PPP2R2B: variants seen among roughly 807,000 people sequenced by gnomAD.
PPP2R2B encodes the protein protein phosphatase 2 regulatory subunit Bbeta.
Under a neutral mutation model 46.0 loss-of-function variants are expected in PPP2R2B, and 5 were observed. The ratio of observed to expected loss-of-function variants is 0.11; its 90% CI spans 0.06 to 0.23. PPP2R2B has a LOEUF of 0.23. Ranked by LOEUF, PPP2R2B falls within the 10% of genes least tolerant of loss-of-function variation. The pLI is 1.00. For synonymous variants in PPP2R2B, 215 were observed against 206.7 expected (o/e 1.04, Z -0.34); for missense variants, 367 against 575.0 (o/e 0.64, Z 3.70).
At chr5:146,804,116 G>A (rs970349645) in intron 2 of PPP2R2B, among the ~76,000 whole-genome samples, 2 of 151,766 alleles carry the variant, frequency 1.3e-5, no homozygotes, top group Non-Finnish European at 2.9e-5. Flanking sequence ...GCAGCGAGCA[G>A]AGATCATGCC....
At chr5:146,746,571 C>T (rs543694985) in intron 2 of PPP2R2B, among the ~76,000 whole-genome samples, 1 of 152,154 alleles carries the variant, frequency 6.6e-6, no homozygotes, top group Non-Finnish European at 1.5e-5. Flanking sequence ...AACAGGGCTT[C>T]CAGGACGACT....
intron 1 of PPP2R2B, among the ~76,000 whole-genome samples, chr5:146,992,482 A>G (rs576466987): frequency 2.6e-5 from 4 of 152,246 alleles, no homozygotes; most frequent in Non-Finnish European, 4.4e-5. Context: ...TGCTTCCCAC[A>G]TGGCCTTCAG....
chr5:146,658,996 T>C (rs981093485), intron 5 of PPP2R2B, among the ~76,000 whole-genome samples: 4 of 152,064 alleles, frequency 2.6e-5, no homozygotes, highest in African/African-American at 9.7e-5. Flanking sequence ...CATATATTCA[T>C]AAAAGAAAAA....
At position 146,784,724 on chromosome 5, in the gene PPP2R2B, G is replaced by A. The variant is rs147960424; in HGVS notation, c.71-83582C>T. Among the ~76,000 whole-genome samples the A allele has an allele frequency of 4.1e-3, 625 of 152,250 alleles. 8 individuals carry two copies. The highest frequency in any genetic ancestry group is 3.1e-3 in the African/African-American group (129 of 41,556). ...TCAGCTCTTCAGAAGGATGACTGCC[G>A]TGTTGATTTTAAAACATTGTCCATT... On this transcript the variant is annotated intron_variant, in intron 2 of 9. Transcript: ENST00000394411.
At chr5:146,641,777 G>A (rs1410284858) in intron 6 of PPP2R2B, among the ~76,000 whole-genome samples, 1 of 152,180 alleles carries the variant, frequency 6.6e-6, no homozygotes, top group East Asian at 1.9e-4. Flanking sequence ...TGGGAGGGAA[G>A]GAGAAAGAAG....
chr5:147,048,514 C>T (rs1414553518), intron 1 of PPP2R2B, among the ~76,000 whole-genome samples: 1 of 152,144 alleles, frequency 6.6e-6, no homozygotes, highest in African/African-American at 2.4e-5. Flanking sequence ...GTAAGCAAAA[C>T]ATTTAATGGA....
chr5:146,649,842 T>C (rs1345792084), intron 6 of PPP2R2B, among the ~76,000 whole-genome samples: 2 of 152,296 alleles, frequency 1.3e-5, no homozygotes, highest in East Asian at 3.9e-4. Context: ...AAATTATTAA[T>C]ATAAAGAGGC....
chr5:146,934,609 A>G (rs1033088091), intron 1 of PPP2R2B, among the ~76,000 whole-genome samples: 2 of 150,976 alleles, frequency 1.3e-5, no homozygotes, highest in African/African-American at 4.9e-5. Context: ...AAAAAAAAAA[A>G]AAAGAACGTG....
At chr5:146,739,182 C>A (rs1195402015) in intron 2 of PPP2R2B, among the ~76,000 whole-genome samples, 1 of 151,986 alleles carries the variant, frequency 6.6e-6, no homozygotes, top group Admixed American at 6.6e-5. Flanking sequence ...CCACTGCACC[C>A]AAATAGTTTT....
At chr5:146,808,764 A>G (rs967403457) in intron 2 of PPP2R2B, among the ~76,000 whole-genome samples, 2 of 152,232 alleles carry the variant, frequency 1.3e-5, no homozygotes, top group African/African-American at 4.8e-5. Flanking sequence ...TGACTTGCCA[A>G]GGTATCTGCA....
intron 2 of PPP2R2B, among the ~76,000 whole-genome samples, chr5:146,842,727 T>C (rs2151373227): frequency 6.6e-6 from 1 of 152,236 alleles, no homozygotes; most frequent in Non-Finnish European, 1.5e-5. Flanking sequence ...CACTTATAAG[T>C]GAGAACATGC....
intron 5 of PPP2R2B, among the ~76,000 whole-genome samples, chr5:146,682,785 G>T (rs573851494): frequency 5.9e-5 from 9 of 152,294 alleles, no homozygotes; most frequent in Admixed American, 5.2e-4. Context: ...GTTATAAAAG[G>T]CACTAACAGC....
chr5:146,674,799 CAA>C (rs1777597398), intron 5 of PPP2R2B, among the ~76,000 whole-genome samples: 1 of 152,176 alleles, frequency 6.6e-6, no homozygotes, highest in African/African-American at 2.4e-5. Flanking sequence ...CAGTCTCCCC[CAA>C]AGTGTTATCC....
intron 1 of PPP2R2B, among the ~76,000 whole-genome samples, chr5:147,037,665 C>T (rs1449891260): frequency 1.3e-5 from 2 of 152,016 alleles, no homozygotes; most frequent in Non-Finnish European, 2.9e-5. Context: ...CAGAATAGTA[C>T]TGAAAACCAC....
intron 1 of PPP2R2B, among the ~76,000 whole-genome samples, chr5:146,906,726 T>C (rs1267601298): frequency 6.6e-6 from 1 of 152,200 alleles, no homozygotes; most frequent in African/African-American, 2.4e-5. Flanking sequence ...TTTTTGGAAA[T>C]GTGGCCACTG....
rs558264501 is a variant in PPP2R2B, at chr5:146,687,986, T to C, written c.447+3142A>G. On this transcript the variant is annotated intron_variant, in intron 5 of 9. Transcript: ENST00000394411. The stretch of plus-strand genomic sequence containing the variant: ...TTCAAGAGGAGAGCGTGTTAGTAAA[T>C]TATAGTCTGATTAATATCACGTCAG... Among the ~76,000 whole-genome samples, 11 of 152,256 alleles carry C rather than the reference T, an allele frequency of 7.2e-5. No individual in the cohort carries two copies. In the East Asian group the frequency reaches 2.1e-3, roughly 29 times the overall value.
intron 1 of PPP2R2B, among the ~76,000 whole-genome samples, chr5:147,033,679 C>A (rs1393100222): frequency 6.6e-6 from 1 of 152,010 alleles, no homozygotes; most frequent in Non-Finnish European, 1.5e-5. Flanking sequence ...GTCAAGCCTT[C>A]ATCACAGGGA....
intron 2 of PPP2R2B, among the ~76,000 whole-genome samples, chr5:146,790,081 C>T (rs1756097200): frequency 6.6e-6 from 1 of 152,174 alleles, no homozygotes; most frequent in African/African-American, 2.4e-5. Context: ...CTCCAGGGGG[C>T]AGGAAATAAT....
rs1206521089 is a variant in PPP2R2B, at chr5:146,877,994, G to A, written c.70+8C>T. On this transcript the variant is annotated splice_region_variant and intron_variant, in intron 2 of 9. Transcript: ENST00000394411. ...CCCAACGGCGGAATGCGGCGGGGCT[G>A]GCGTTACCTTCGGTCGCATAGCTGT... 1.6e-5 allele frequency: 26 copies of A among 1,609,614 alleles called. No individual in the cohort carries two copies. The highest frequency in any genetic ancestry group is 2.0e-5 in the Non-Finnish European group (24 of 1,177,024).
Sources: allele counts gnomAD v4.1 joint callset (sites outside exome capture counted in the v4.1 genomes callset), GRCh38; gene constraint gnomAD v4.1.1; transcripts MANE v1.5; gene names NCBI Gene and HGNC (gene_info 2026-07-23, HGNC 2026-07-21).